Variants in PTPRA observed in about 807,000 individuals in gnomAD.
PTPRA encodes protein tyrosine phosphatase receptor type A, also known as receptor-type tyrosine-protein phosphatase alpha.
A neutral mutation model predicts 104.8 loss-of-function variants in PTPRA; 25 were observed. The ratio of observed to expected loss-of-function variants is 0.24; its 90% CI spans 0.17 to 0.33. The LOEUF is 0.33. Among genes scored for constraint, PTPRA ranks in the 10% least tolerant of loss-of-function variants. The pLI, the probability that PTPRA is intolerant of heterozygous loss-of-function variation, is 1.00. For synonymous variants in PTPRA, 323 were observed against 368.9 expected (o/e 0.88, Z 1.43); for missense variants, 765 against 1,015.3 (o/e 0.75, Z 3.35).
At chr20:2,965,238 T>A (rs374184037) in intron 5 of PTPRA, 36 bp downstream of exon 5, 1 of 1,519,772 alleles carries the variant, frequency 6.6e-7, no homozygotes, top group Admixed American at 1.9e-5. Context: ...TTTTGCTCTT[T>A]GAGTTTAGTC....
At chr20:3,019,793 T>A (rs1339581786) in intron 13 of PTPRA, among the ~76,000 whole-genome samples, 1 of 152,128 alleles carries the variant, frequency 6.6e-6, no homozygotes, top group Admixed American at 6.5e-5. Flanking sequence ...CATTGAGCAC[T>A]GAGTGAACGA....
rs182613893 is a variant in PTPRA at position 3,003,046 on chromosome 20, C to A, written c.739-2010C>A. Among the ~76,000 whole-genome samples the A allele has an allele frequency of 5.9e-5, 9 of 152,288 alleles. No individual in the cohort carries two copies. In the East Asian group the frequency reaches 1.7e-3, roughly 29 times the overall value. The stretch of plus-strand genomic sequence containing the variant: ...ATACTCATCCTTCCTCAGAGAGACC[C>A]ACCTGTAATCCAAATTTGGTGCTTT... On this transcript the variant is annotated intron_variant, in intron 9 of 23. Coordinates refer to ENST00000399903, the MANE Select transcript of PTPRA (RefSeq NM_001385305.1).
intron 1 of PTPRA, among the ~76,000 whole-genome samples, chr20:2,912,652 TG>T (rs1467921960): frequency 6.6e-6 from 1 of 152,172 alleles, no homozygotes; most frequent in African/African-American, 2.4e-5. Context: ...AAAACCCTAA[TG>T]TTTTATGAAA....
chr20:2,917,204 G>A lies in PTPRA; in HGVS notation c.-128-6003G>A, dbSNP rs528059776. Among the ~76,000 whole-genome samples the A allele has an allele frequency of 2.4e-4, 37 of 151,652 alleles. No individual in the cohort carries two copies. In the South Asian group the frequency reaches 6.9e-3, roughly 28 times the overall value. Reference sequence around the variant, plus strand: ...ACTCCTGACCCCCAAGTGATCCGCCGGCCTCGGCCTCCCAAAGTGCTGGGA... The same window carrying A: ...ACTCCTGACCCCCAAGTGATCCGCCAGCCTCGGCCTCCCAAAGTGCTGGGA... On this transcript the variant is annotated intron_variant, in intron 1 of 23. Transcript: ENST00000399903.
At chr20:2,928,607 T>C (rs770526143) in intron 2 of PTPRA, among the ~76,000 whole-genome samples, 3 of 152,138 alleles carry the variant, frequency 2.0e-5, no homozygotes, top group Non-Finnish European at 2.9e-5. Context: ...ATGTTCTATA[T>C]AGTCTGGAAT....
At chr20:2,984,115 T>C (rs1012757143) in intron 6 of PTPRA, among the ~76,000 whole-genome samples, 7 of 152,002 alleles carry the variant, frequency 4.6e-5, no homozygotes, top group Middle Eastern at 3.4e-3. Flanking sequence ...GTCTGAACAC[T>C]CATTTTAAGG....
At chr20:2,968,980 G>A (rs536353483) in intron 5 of PTPRA, among the ~76,000 whole-genome samples, 25 of 152,260 alleles carry the variant, frequency 1.6e-4, no homozygotes, top group African/African-American at 6.0e-4. Flanking sequence ...GGCCAAGGCA[G>A]GTGGATCACT....
At chr20:2,985,046 C>T (rs1166232291) in intron 6 of PTPRA, among the ~76,000 whole-genome samples, 2 of 152,222 alleles carry the variant, frequency 1.3e-5, no homozygotes, top group Non-Finnish European at 2.9e-5. Context: ...TGGAAGCTTT[C>T]TATCACTTGT....
At chr20:3,023,753 G>A (rs189710612) in intron 16 of PTPRA, among the ~76,000 whole-genome samples, 1 of 152,150 alleles carries the variant, frequency 6.6e-6, no homozygotes, top group African/African-American at 2.4e-5. Flanking sequence ...GAGTGCTGGC[G>A]CATGTCCTCC....
intron 9 of PTPRA, among the ~76,000 whole-genome samples, chr20:3,002,972 C>T (rs1473722104): frequency 6.6e-6 from 1 of 152,156 alleles, no homozygotes; most frequent in East Asian, 1.9e-4. Context: ...CTTCTTCCAC[C>T]TCTGGGTTAC....
chr20:2,945,100 A>G (rs1416012234), intron 2 of PTPRA, among the ~76,000 whole-genome samples: 1 of 151,854 alleles, frequency 6.6e-6, no homozygotes, highest in Non-Finnish European at 1.5e-5. Flanking sequence ...CTTTTGACCT[A>G]TTTACCAGCT....
At chr20:2,864,490 T>G in the PTPRA span, 34 of 1,613,988 alleles carry the variant, frequency 2.1e-5, no homozygotes, top group Non-Finnish European at 2.8e-5. This position sits in a 1 kb window ranked among gnomAD's most constrained non-coding sequence, Gnocchi z 5.2. Flanking sequence ...GGTTGTGGTG[T>G]AGCCTTCTGA....
intron 2 of PTPRA, among the ~76,000 whole-genome samples, chr20:2,934,452 CTG>C (rs780314410): frequency 2.6e-5 from 4 of 152,142 alleles, no homozygotes; most frequent in Non-Finnish European, 5.9e-5. Context: ...GTTTATAAAT[CTG>C]TATCTGTACC....
At chr20:2,972,828 T>C (rs1213727956) in intron 5 of PTPRA, among the ~76,000 whole-genome samples, 1 of 151,818 alleles carries the variant, frequency 6.6e-6, no homozygotes, top group African/African-American at 2.4e-5. Context: ...GGTGATCCTC[T>C]CACCTCAGCC....
intron 3 of PTPRA, among the ~76,000 whole-genome samples, chr20:2,955,207 C>G (rs1211958791): frequency 6.6e-6 from 1 of 152,112 alleles, no homozygotes; most frequent in Non-Finnish European, 1.5e-5. Flanking sequence ...TTTCATGTAT[C>G]AAGTAGTTTG....
intron 11 of PTPRA, among the ~76,000 whole-genome samples, chr20:3,012,396 AT>A (rs989182694): frequency 5.9e-5 from 9 of 152,216 alleles, no homozygotes; most frequent in African/African-American, 2.2e-4. Flanking sequence ...TTGGTGGTTG[AT>A]TTATATATGA....
chr20:2,935,686 A>G (rs1375867913), intron 2 of PTPRA, among the ~76,000 whole-genome samples: 1 of 152,146 alleles, frequency 6.6e-6, no homozygotes, highest in African/African-American at 2.4e-5. Flanking sequence ...TCGCTACTAC[A>G]GGCACATGCC....
chr20:2,882,979 T>C (rs1020716101), intron 1 of PTPRA, among the ~76,000 whole-genome samples: 2 of 145,822 alleles, frequency 1.4e-5, no homozygotes, highest in African/African-American at 5.2e-5. Flanking sequence ...CCAACACTTT[T>C]TTTTTTTTTT....
intron 6 of PTPRA, 32 bp from the exon 7 acceptor site, chr20:2,986,733 A>G: frequency 1.3e-6 from 2 of 1,572,226 alleles, no homozygotes; most frequent in Non-Finnish European, 1.8e-6. Flanking sequence ...TGCACAACAC[A>G]GTAATGACTT....
Sources: gnomAD v4.1 joint callset for allele counts (sites outside exome capture counted in the v4.1 genomes callset) on GRCh38, gnomAD v4.1.1 for gene constraint, Gnocchi (gnomAD v3.1) non-coding constraint, MANE v1.5 for transcripts, NCBI Gene and HGNC (gene_info 2026-07-23, HGNC 2026-07-21) for gene names.